Variants in BTRC observed in about 807,000 individuals in gnomAD.
BTRC encodes beta-transducin repeat containing E3 ubiquitin protein ligase, also known as F-box/WD repeat-containing protein 1A.
Under a neutral mutation model 85.5 loss-of-function variants are expected in BTRC, and 42 were observed. That is an observed-to-expected ratio of 0.49 (90% CI 0.38 to 0.64). BTRC has a LOEUF of 0.64. Among genes scored for constraint, BTRC ranks in the 30% least tolerant of loss-of-function variants. BTRC has a pLI of 0.00. For missense variants in BTRC, 594 were observed against 743.5 expected (o/e 0.80, Z 2.34); for synonymous variants, 255 against 263.3 (o/e 0.97, Z 0.30).
chr10:101,514,903 T>A (rs542852369), intron 4 of BTRC, among the ~76,000 whole-genome samples: 29 of 152,334 alleles, frequency 1.9e-4, no homozygotes, highest in Admixed American at 1.8e-3. Flanking sequence ...AATTTACTAG[T>A]CTGAGTCTTC....
chr10:101,451,234 T>C (rs1420361961), intron 2 of BTRC, among the ~76,000 whole-genome samples: 1 of 152,194 alleles, frequency 6.6e-6, no homozygotes, highest in East Asian at 1.9e-4. Context: ...GATGTTTTCT[T>C]CCTCTTTAAG....
chr10:101,421,073 T>C (rs972790199), intron 1 of BTRC, among the ~76,000 whole-genome samples: 1 of 150,964 alleles, frequency 6.6e-6, no homozygotes, highest in African/African-American at 2.4e-5. Context: ...TCCAAACGAG[T>C]TTCAGTTTAC....
At chr10:101,361,270 C>T (rs1942197710) in intron 1 of BTRC, among the ~76,000 whole-genome samples, 1 of 152,086 alleles carries the variant, frequency 6.6e-6, no homozygotes, top group Non-Finnish European at 1.5e-5. Context: ...CCACACCTGG[C>T]TAATTTTTTG....
intron 1 of BTRC, among the ~76,000 whole-genome samples, chr10:101,414,852 G>C (rs1943885368): frequency 6.6e-6 from 1 of 151,546 alleles, no homozygotes; most frequent in Non-Finnish European, 1.5e-5. Context: ...TTGTACTGCT[G>C]TACAATATGT....
At chr10:101,485,125 T>G (rs1473122799) in intron 4 of BTRC, among the ~76,000 whole-genome samples, 4 of 152,166 alleles carry the variant, frequency 2.6e-5, no homozygotes, top group Non-Finnish European at 5.9e-5. Context: ...TTGAGGAAAG[T>G]GTAAACAGGA....
chr10:101,419,440 T>A (rs747786823), intron 1 of BTRC, among the ~76,000 whole-genome samples: 13 of 152,244 alleles, frequency 8.5e-5, no homozygotes, highest in South Asian at 6.2e-4. Context: ...AGGTTTTATT[T>A]CGAGAAAAAG....
At chr10:101,451,129 G>C (rs1944945474) in intron 2 of BTRC, among the ~76,000 whole-genome samples, 1 of 151,998 alleles carries the variant, frequency 6.6e-6, no homozygotes. Flanking sequence ...AAATAATTCA[G>C]TTGTGGGTAT....
chr10:101,445,703 T>C (rs777860504), intron 2 of BTRC, among the ~76,000 whole-genome samples: 32 of 152,220 alleles, frequency 2.1e-4, no homozygotes, highest in Non-Finnish European at 4.3e-4. Context: ...ATAATCGCTT[T>C]GGTTTAATCA....
chr10:101,525,923 C>T (rs2062184390), intron 5 of BTRC, 90 bp from the exon 6 acceptor site: 1 of 1,295,438 alleles, frequency 7.7e-7, no homozygotes, highest in Non-Finnish European at 1.1e-6. Flanking sequence ...CATAGCAGAA[C>T]AAATGCTGTT....
At position 101,553,363 on chromosome 10, in the gene BTRC, A is replaced by C. The variant is rs1330205348; in HGVS notation, c.*240A>C. 6.6e-6 allele frequency: 1 copy of C among 152,646 alleles called. No individual in the cohort carries two copies. Among genetic ancestry groups the C allele is most frequent in the African/African-American group, 2.4e-5 (1 of 41,442 alleles). 9.5% of individuals were successfully genotyped at this position (152,646 alleles called of 1,614,324 possible). Reference sequence around the variant, plus strand: ...GTGCTGCTATCAGAAGATGTCTTCTATCTTTTGTGAATGATTGGAACTTTT... The same window carrying C: ...GTGCTGCTATCAGAAGATGTCTTCTCTCTTTTGTGAATGATTGGAACTTTT... On this transcript the variant is annotated 3_prime_UTR_variant, in exon 15 of 15. Transcript: ENST00000370187.
At chr10:101,520,556 A>G (rs9419922) in intron 4 of BTRC, among the ~76,000 whole-genome samples, 56,334 of 152,150 alleles carry the variant, frequency 0.37, 11,613 homozygotes, top group Middle Eastern at 0.49. Flanking sequence ...GAAAAAGGTA[A>G]ATTGAGCATA....
rs989068219 is a variant in BTRC at position 101,509,564 on chromosome 10, T to C, written c.325-12075T>C. ...CCACCGCGCCCAGCCTTTTTTTTTT[T>C]TTTTTTGAGACAAGGTCTCTCTCTG... On this transcript the variant is annotated intron_variant, in intron 4 of 14. Transcript: ENST00000370187. 4.0e-5 allele frequency among the ~76,000 whole-genome samples: 6 copies of C among 150,220 alleles called. No homozygotes were observed. In the East Asian group the frequency reaches 1.2e-3, roughly 30 times the overall value.
chr10:101,549,734 A>G (rs936301757), intron 13 of BTRC, among the ~76,000 whole-genome samples: 4 of 149,382 alleles, frequency 2.7e-5, no homozygotes, highest in Non-Finnish European at 6.0e-5. Flanking sequence ...AAAAAAAAAA[A>G]AAGATGATGA....
chr10:101,376,846 T>G (rs568673340), intron 1 of BTRC, among the ~76,000 whole-genome samples: 24 of 152,282 alleles, frequency 1.6e-4, no homozygotes, highest in East Asian at 1.2e-3. Context: ...CTCCCAAAGT[T>G]TATTGAATAG....
At chr10:101,463,948 TAA>T (rs11332648) in intron 3 of BTRC, among the ~76,000 whole-genome samples, 9 of 148,662 alleles carry the variant, frequency 6.1e-5, no homozygotes, top group East Asian at 2.0e-4. Context: ...CAGGAAGCTT[TAA>T]AAAAAAAAAC....
At chr10:101,409,438 A>G (rs950319210) in intron 1 of BTRC, among the ~76,000 whole-genome samples, 2 of 152,228 alleles carry the variant, frequency 1.3e-5, no homozygotes, top group Admixed American at 1.3e-4. Context: ...CATTGTATGT[A>G]CATACAGTCA....
chr10:101,551,836 C>T (rs2062655423), intron 14 of BTRC, among the ~76,000 whole-genome samples: 1 of 152,286 alleles, frequency 6.6e-6, no homozygotes, highest in Admixed American at 6.5e-5. Context: ...AAGTAACTTC[C>T]CAGACCCTGA....
intron 1 of BTRC, among the ~76,000 whole-genome samples, chr10:101,392,488 TTTG>T (rs906384636): frequency 1.1e-4 from 17 of 152,080 alleles, no homozygotes; most frequent in African/African-American, 2.2e-4. Flanking sequence ...TTGAAAGTTT[TTTG>T]TTGTTGTTGT....
chr10:101,442,296 A>ATG lies in BTRC; in HGVS notation c.156+11866_156+11867dup, dbSNP rs139018865. 8.5e-3 allele frequency among the ~76,000 whole-genome samples: 1,203 copies of ATG among 142,098 alleles called. 12 individuals carry two copies. Among genetic ancestry groups the ATG allele is most frequent in the South Asian group, 0.043 (193 of 4,456 alleles). The allele number at this position is 142,098 out of a possible 152,430, so 93.2% of individuals were successfully genotyped here. On this transcript the variant is annotated intron_variant, in intron 2 of 14. Coordinates refer to ENST00000370187, the MANE Select transcript of BTRC (RefSeq NM_033637.4). ...TCTCTCTCTCTCTGTCTCTGTGTGT[A>ATG]TGTGTGTGTGTGTGTGTGTGTGTAA...
Sources: gnomAD v4.1 joint callset for allele counts (sites outside exome capture counted in the v4.1 genomes callset) on GRCh38, gnomAD v4.1.1 for gene constraint, MANE v1.5 for transcripts, NCBI Gene and HGNC (gene_info 2026-07-23, HGNC 2026-07-21) for gene names.